Variants in KHDRBS2 observed in about 807,000 individuals in gnomAD.
KHDRBS2 encodes the protein KH RNA binding domain containing, signal transduction associated 2.
In KHDRBS2, 26 loss-of-function variants were observed where a neutral mutation model predicts 44.3. That is an observed-to-expected ratio of 0.59 (90% CI 0.43 to 0.81). The LOEUF (loss-of-function observed/expected upper bound fraction) is 0.81, where lower values mean the gene tolerates loss of function less well. Ranked by LOEUF, KHDRBS2 falls within the 40% of genes least tolerant of loss-of-function variation. The pLI, the probability that KHDRBS2 is intolerant of heterozygous loss-of-function variation, is 0.00. For missense variants in KHDRBS2, 476 were observed against 433.1 expected (o/e 1.10, Z -0.88); for synonymous variants, 194 against 151.1 (o/e 1.28, Z -2.08).
chr6:61,938,440 G>A (rs1415859642), intron 4 of KHDRBS2, among the ~76,000 whole-genome samples: 1 of 152,090 alleles, frequency 6.6e-6, no homozygotes, highest in Non-Finnish European at 1.5e-5. Flanking sequence ...TATATCACTG[G>A]CCTTGAGCAG....
At chr6:61,826,133 T>C (rs1188529370) in intron 6 of KHDRBS2, among the ~76,000 whole-genome samples, 2 of 152,166 alleles carry the variant, frequency 1.3e-5, no homozygotes, top group Admixed American at 1.3e-4. Context: ...GGACCTGGTC[T>C]TCATGTAAAG....
chr6:62,040,039 C>G (rs1484174763), intron 3 of KHDRBS2, among the ~76,000 whole-genome samples: 1 of 152,018 alleles, frequency 6.6e-6, no homozygotes, highest in Non-Finnish European at 1.5e-5. Context: ...TTTTTGATGT[C>G]TAGTATCTCA....
chr6:62,058,905 T>A (rs1364679220), intron 2 of KHDRBS2, among the ~76,000 whole-genome samples: 2 of 151,804 alleles, frequency 1.3e-5, no homozygotes, highest in Admixed American at 1.3e-4. Flanking sequence ...ATTTATTCAA[T>A]GGACATATTT....
At chr6:62,004,374 C>T (rs758952503) in intron 3 of KHDRBS2, among the ~76,000 whole-genome samples, 3 of 152,116 alleles carry the variant, frequency 2.0e-5, no homozygotes, top group Non-Finnish European at 2.9e-5. Flanking sequence ...ACTATAAACA[C>T]CTCTTCGCAA....
intron 4 of KHDRBS2, among the ~76,000 whole-genome samples, chr6:61,964,317 C>T (rs989443429): frequency 8.6e-5 from 13 of 152,000 alleles, no homozygotes; most frequent in African/African-American, 3.1e-4. Flanking sequence ...AGGCTATGTT[C>T]ATCAATCAAT....
chr6:61,881,422 G>A (rs1024099929), intron 6 of KHDRBS2, among the ~76,000 whole-genome samples: 2 of 151,732 alleles, frequency 1.3e-5, no homozygotes, highest in Non-Finnish European at 2.9e-5. Flanking sequence ...GCATTCAGGA[G>A]ATTCTATATA....
intron 1 of KHDRBS2, among the ~76,000 whole-genome samples, chr6:62,239,025 T>C (rs569462332): frequency 2.8e-4 from 43 of 152,282 alleles, no homozygotes; most frequent in Non-Finnish European, 1.9e-4. Flanking sequence ...ACAAAGATGT[T>C]AGGGATTAAA....
intron 1 of KHDRBS2, among the ~76,000 whole-genome samples, chr6:62,235,670 GA>G (rs2150162621): frequency 6.6e-6 from 1 of 152,064 alleles, no homozygotes; most frequent in Admixed American, 6.5e-5. Context: ...TTTAAAAGAT[GA>G]AAATAGAAAA....
chr6:61,862,881 T>C (rs1797202252), intron 6 of KHDRBS2, among the ~76,000 whole-genome samples: 1 of 152,062 alleles, frequency 6.6e-6, no homozygotes, highest in Non-Finnish European at 1.5e-5. Flanking sequence ...TTTGGAATAG[T>C]TTTAGTAGGA....
chr6:62,236,634 C>T (rs1041300963), intron 1 of KHDRBS2, among the ~76,000 whole-genome samples: 1 of 151,816 alleles, frequency 6.6e-6, no homozygotes, highest in Non-Finnish European at 1.5e-5. Flanking sequence ...TTCTCTGTGC[C>T]TCAGTTTCTT....
chr6:61,841,112 TA>T (rs1338623555), intron 6 of KHDRBS2, among the ~76,000 whole-genome samples: 8 of 152,194 alleles, frequency 5.3e-5, no homozygotes, highest in African/African-American at 1.9e-4. Flanking sequence ...AAAGCTTTCT[TA>T]TTTTTAAGGT....
At chr6:62,238,687 TACACAC>T (rs5876788) in intron 1 of KHDRBS2, among the ~76,000 whole-genome samples, 308 of 141,986 alleles carry the variant, frequency 2.2e-3, no homozygotes, top group Middle Eastern at 0.011. Flanking sequence ...AAGTTTTATA[TACACAC>T]ACACACACAC....
rs190548797 is a variant in KHDRBS2 at position 62,114,166 on chromosome 6, G to A, written c.219+63019C>T. ...CTACTAGGTCCCTCTCATGACACTT[G>A]AGAATTATGGGAACTACAATTCAAG... is the stretch of plus-strand genomic sequence containing the variant. On this transcript the variant is annotated intron_variant, in intron 2 of 8. Transcript: ENST00000281156. Among the ~76,000 whole-genome samples, 391 of 152,128 alleles carry A rather than the reference G, an allele frequency of 2.6e-3. 5 individuals carry two copies. The highest frequency in any genetic ancestry group is 0.025 in the Admixed American group (376 of 15,250).
chr6:62,273,963 G>T (rs1363674782), intron 1 of KHDRBS2, among the ~76,000 whole-genome samples: 5 of 151,748 alleles, frequency 3.3e-5, no homozygotes, highest in African/African-American at 1.2e-4. Context: ...TTTTTGAAAT[G>T]GAGTCTCTGT....
At chr6:61,875,240 C>A (rs1799250007) in intron 6 of KHDRBS2, among the ~76,000 whole-genome samples, 1 of 151,520 alleles carries the variant, frequency 6.6e-6, no homozygotes, top group African/African-American at 2.4e-5. Context: ...GAAAGAATTC[C>A]ATGCAGAGTA....
intron 1 of KHDRBS2, among the ~76,000 whole-genome samples, chr6:62,240,924 A>G (rs930494017): frequency 3.3e-5 from 5 of 151,680 alleles, no homozygotes; most frequent in Non-Finnish European, 5.9e-5. Flanking sequence ...TCAATAGAGC[A>G]CAATGTTTAT....
At chr6:62,041,164 C>T (rs1786400892) in intron 3 of KHDRBS2, among the ~76,000 whole-genome samples, 1 of 151,922 alleles carries the variant, frequency 6.6e-6, no homozygotes, top group Non-Finnish European at 1.5e-5. Context: ...AACCCTGTCT[C>T]TACTAAATAT....
chr6:61,780,101 C>A (rs933597273), intron 6 of KHDRBS2, among the ~76,000 whole-genome samples: 3 of 152,114 alleles, frequency 2.0e-5, no homozygotes, highest in African/African-American at 7.2e-5. Context: ...TTTCTTTTAA[C>A]CAATAACTTA....
chr6:62,008,769 C>A (rs1249789975), intron 3 of KHDRBS2, among the ~76,000 whole-genome samples: 1 of 152,180 alleles, frequency 6.6e-6, no homozygotes, highest in Non-Finnish European at 1.5e-5. Flanking sequence ...AGAAGTTGCT[C>A]TGCACAAGTT....
Sources: gnomAD v4.1 joint callset for allele counts (sites outside exome capture counted in the v4.1 genomes callset) on GRCh38, gnomAD v4.1.1 for gene constraint, MANE v1.5 for transcripts, NCBI Gene and HGNC (gene_info 2026-07-23, HGNC 2026-07-21) for gene names.